Variants in KDR observed in about 807,000 individuals in gnomAD.
KDR encodes the protein kinase insert domain receptor, also known as vascular endothelial growth factor receptor 2.
A neutral mutation model predicts 160.9 loss-of-function variants in KDR; 43 were observed. That is an observed-to-expected ratio of 0.27 (90% CI 0.21 to 0.34). The LOEUF is 0.34. Ranked by LOEUF, KDR falls within the 10% of genes least tolerant of loss-of-function variation. The probability of loss-of-function intolerance (pLI) is 1.00; values close to 1 mark genes in which losing one functional copy is unlikely to be tolerated. For missense variants in KDR, 1,469 were observed against 1,666.4 expected (o/e 0.88, Z 2.06); for synonymous variants, 617 against 600.1 (o/e 1.03, Z -0.41).
At chr4:55,094,412 A>G (rs1720097226) in intron 21 of KDR, among the ~76,000 whole-genome samples, 1 of 152,214 alleles carries the variant, frequency 6.6e-6, no homozygotes, top group Non-Finnish European at 1.5e-5. Context: ...AGACTTTTGC[A>G]CAGGTAAAGC....
chr4:55,093,925 C>T (rs185232452), intron 21 of KDR, among the ~76,000 whole-genome samples: 86 of 152,280 alleles, frequency 5.6e-4, no homozygotes, highest in Non-Finnish European at 8.5e-4. Context: ...TCAGGCCAGG[C>T]ACGGAGGCTT....
intron 2 of KDR, among the ~76,000 whole-genome samples, chr4:55,120,130 G>A (rs532466950): frequency 4.2e-4 from 64 of 152,280 alleles, no homozygotes; most frequent in African/African-American, 1.5e-3. Context: ...TTTCCCAAGG[G>A]CTGGGTATTG....
chr4:55,079,773 T>A lies in KDR; in HGVS notation c.*168A>T. 1 of 669,504 alleles carries A rather than the reference T, an allele frequency of 1.5e-6. No individual in the cohort carries two copies. The highest frequency in any genetic ancestry group is 2.7e-6 in the Non-Finnish European group (1 of 371,560). 41.5% of individuals were successfully genotyped at this position (669,504 alleles called of 1,614,324 possible). On this transcript the variant is annotated 3_prime_UTR_variant, in exon 30 of 30. Transcript: ENST00000263923. ...ACACATTCTTGGGTCACAAGCCTCT[T>A]CCAGGATATGCCTAGAAGACTGGCT...
chr4:55,098,774 T>A lies in KDR; in HGVS notation c.2296A>T (p.Ile766Phe), dbSNP rs141493431. 12 of 1,613,234 alleles carry A rather than the reference T, an allele frequency of 7.4e-6. No homozygotes were observed. Among genetic ancestry groups the A allele is most frequent in the Middle Eastern group, 1.7e-4 (1 of 6,056 alleles). ...GAQEKTNLEIIILVGTAVIAM... is the reference protein window; with the variant it reads ...GAQEKTNLEIFILVGTAVIAM... Reference sequence around the variant, plus strand: ...ATCACCGCCGTGCCTACTAGAATAATGATTTCCAAGTTCGTCTTTTCCTGG... The same window carrying A: ...ATCACCGCCGTGCCTACTAGAATAAAGATTTCCAAGTTCGTCTTTTCCTGG... Residue 766 changes from isoleucine (I) to phenylalanine (F), a missense_variant, in exon 16 of 30, where the codon ATT becomes TTT. Physicochemically the swap from Ile to Phe is conservative, Grantham distance 21. Coordinates refer to ENST00000263923, the MANE Select transcript of KDR (RefSeq NM_002253.4).
intron 21 of KDR, among the ~76,000 whole-genome samples, chr4:55,093,407 G>A (rs931092571): frequency 6.6e-6 from 1 of 152,156 alleles, no homozygotes; most frequent in Non-Finnish European, 1.5e-5. Flanking sequence ...TAAGACTTAT[G>A]GCTTCTTTCC....
rs760657476 is a variant in KDR at position 55,095,552 on chromosome 4, AGAGCAG to A, written c.2817+19_2817+24del. The A allele has an allele frequency of 1.3e-6, 2 of 1,504,028 alleles. No homozygotes were observed. The highest frequency in any genetic ancestry group is 1.9e-6 in the Non-Finnish European group (2 of 1,079,462). 93.2% of individuals were successfully genotyped at this position (1,504,028 alleles called of 1,614,324 possible). On this transcript the variant is annotated intron_variant, in intron 20 of 29. Coordinates refer to ENST00000263923, the MANE Select transcript of KDR (RefSeq NM_002253.4). ...TTTCCCTTCATTTTATAACATGGCC[AGAGCAG>A]GATTAGGAGATGACATACCTTGTAG...
chr4:55,098,847 T>C (rs201228748), intron 15 of KDR, 44 bp from the exon 16 acceptor site: 63 of 1,442,806 alleles, frequency 4.4e-5, no homozygotes, highest in Non-Finnish European at 5.7e-5. Context: ...TGGAAACTTA[T>C]ACTTTTTGTT....
In KDR at chr4:55,116,840, G is replaced by A. The variant is rs137912618; in HGVS notation, c.359-1429C>T. 3.9e-4 allele frequency among the ~76,000 whole-genome samples: 59 copies of A among 152,248 alleles called. 1 individual carries two copies. In the East Asian group the frequency reaches 7.5e-3, roughly 19 times the overall value. ...CAGAAGACTAGGGAAGTAAGGTGGC[G>A]ACCAGAGGGGACATTAAACACCTAT... On this transcript the variant is annotated intron_variant, in intron 3 of 29. Coordinates refer to ENST00000263923, the MANE Select transcript of KDR (RefSeq NM_002253.4).
intron 18 of KDR, among the ~76,000 whole-genome samples, chr4:55,096,909 C>T (rs1168529086): frequency 6.6e-6 from 1 of 152,160 alleles, no homozygotes. Context: ...AGGCATGGTC[C>T]ACATCTAAGG....
chr4:55,112,523 A>ATTTT (rs72203928), intron 7 of KDR, among the ~76,000 whole-genome samples: 1 of 117,170 alleles, frequency 8.5e-6, no homozygotes, highest in Non-Finnish European at 1.7e-5. Context: ...TTATACCTTG[A>ATTTT]TTTTTTTTTT....
Position 55,098,125 on chromosome 4 carries a change from T to C in KDR, c.2509+12A>G, listed in dbSNP as rs377223097. On this transcript the variant is annotated intron_variant, in intron 17 of 29. Coordinates refer to ENST00000263923, the MANE Select transcript of KDR (RefSeq NM_002253.4). Reference sequence around the variant, plus strand: ...AAACACAATATCAAATTAATAGCAATTGAAAATGCACCTAGCTTCAGCCGG... The same window carrying C: ...AAACACAATATCAAATTAATAGCAACTGAAAATGCACCTAGCTTCAGCCGG... The C allele has an allele frequency of 4.5e-5, 72 of 1,613,704 alleles. 1 individual carries two copies. Among genetic ancestry groups the C allele is most frequent in the Non-Finnish European group, 5.6e-5 (66 of 1,179,842 alleles).
chr4:55,098,111 C>A (rs777929942), intron 17 of KDR, 26 bp downstream of exon 17: 1 of 1,613,502 alleles, frequency 6.2e-7, no homozygotes, highest in South Asian at 1.1e-5. Context: ...AACACAATAT[C>A]AAATTAATAG....
intron 22 of KDR, among the ~76,000 whole-genome samples, chr4:55,090,394 G>T (rs986032654): frequency 4.6e-5 from 7 of 152,124 alleles, no homozygotes; most frequent in African/African-American, 1.4e-4. Context: ...CCTTTTACCT[G>T]GCCCCATATT....
chr4:55,102,904 A>C (rs1465441238), intron 13 of KDR, among the ~76,000 whole-genome samples: 1 of 152,202 alleles, frequency 6.6e-6, no homozygotes, highest in Non-Finnish European at 1.5e-5. Context: ...CATTCAACCA[A>C]TAATGCCTTA....
At chr4:55,094,274 G>A (rs1382774681) in intron 21 of KDR, among the ~76,000 whole-genome samples, 1 of 151,992 alleles carries the variant, frequency 6.6e-6, no homozygotes, top group African/African-American at 2.4e-5. Flanking sequence ...CTTAATAAAG[G>A]CCAGGATATT....
Position 55,098,766 on chromosome 4 carries a change from T to C in KDR, c.2304A>G (p.Leu768=), listed in dbSNP as rs144578288. ...QEKTNLEIII[L]VGTAVIAMFF... ...ACATGGCAATCACCGCCGTGCCTACTAGAATAATGATTTCCAAGTTCGTCT... is the reference window on the plus strand; with the variant it reads ...ACATGGCAATCACCGCCGTGCCTACCAGAATAATGATTTCCAAGTTCGTCT... Residue 768 remains leucine (L), a synonymous_variant, in exon 16 of 30, where the codon CTA becomes CTG. Coordinates refer to ENST00000263923, the MANE Select transcript of KDR (RefSeq NM_002253.4). 5.0e-6 allele frequency: 8 copies of C among 1,613,256 alleles called. No individual in the cohort carries two copies. In the African/African-American group the frequency reaches 1.1e-4, roughly 22 times the overall value.
intron 17 of KDR, 22 bp from the exon 18 acceptor site, chr4:55,097,788 A>C: frequency 6.6e-7 from 1 of 1,524,104 alleles, no homozygotes. Context: ...AACAACAGCA[A>C]CAAGAAAACA....
At chr4:55,095,047 T>A in intron 20 of KDR, 92 bp from the exon 21 acceptor site, 1 of 1,225,010 alleles carries the variant, frequency 8.2e-7, no homozygotes, top group Admixed American at 1.9e-5. Context: ...ACCATGGAGA[T>A]AATTGAAACT....
In KDR at chr4:55,079,946, CAGG is replaced by C. The variant is rs755870427; in HGVS notation, c.4063_4065del (p.Pro1355del). On this transcript the variant is annotated inframe_deletion, in exon 30 of 30. Transcript: ENST00000263923. ...GGGGGTGTGGATGCTTCCTTTTAAACAGGAGGAGAGCTCAGTGTGGTCCCCGAG... is the reference window on the plus strand; with the variant it reads ...GGGGGTGTGGATGCTTCCTTTTAAACAGGAGAGCTCAGTGTGGTCCCCGAG... 2.7e-5 allele frequency: 44 copies of C among 1,613,890 alleles called. No homozygotes were observed. Among genetic ancestry groups the C allele is most frequent in the Non-Finnish European group, 3.6e-5 (42 of 1,179,812 alleles).
Sources: allele counts gnomAD v4.1 joint callset (sites outside exome capture counted in the v4.1 genomes callset), GRCh38; gene constraint gnomAD v4.1.1; transcripts MANE v1.5; gene names NCBI Gene and HGNC (gene_info 2026-07-23, HGNC 2026-07-21).